NMNAT2: variants seen among roughly 807,000 people sequenced by gnomAD.
The protein encoded by NMNAT2 is nicotinamide/nicotinic acid mononucleotide adenylyltransferase 2.
NMNAT2 carries 11 observed loss-of-function variants against 41.6 expected under a neutral mutation model. That is an observed-to-expected ratio of 0.26 (90% CI 0.17 to 0.44). The LOEUF (loss-of-function observed/expected upper bound fraction) is 0.44. NMNAT2 is among the 20% of genes least tolerant of loss of function. The pLI, the probability that NMNAT2 is intolerant of heterozygous loss-of-function variation, is 1.00. For missense variants in NMNAT2, 288 were observed against 407.7 expected, an observed-to-expected ratio of 0.71 and a Z score of 2.53; for synonymous variants, 148 against 151.2, an observed-to-expected ratio of 0.98 and a Z score of 0.16.
intron 1 of NMNAT2, among the ~76,000 whole-genome samples, chr1:183,406,186 T>C (rs1440398857): frequency 6.6e-6 from 1 of 152,122 alleles, no homozygotes; most frequent in Non-Finnish European, 1.5e-5. Flanking sequence ...TATCATGAAT[T>C]GAATTGAATA....
chr1:183,258,680 CCCTAAACTGCT>C (rs1660580926), intron 10 of NMNAT2, among the ~76,000 whole-genome samples: 1 of 152,130 alleles, frequency 6.6e-6, no homozygotes, highest in African/African-American at 2.4e-5. Context: ...ATCTGACCCT[CCCTAAACTGCT>C]CCTAAGATCA....
At chr1:183,271,532 A>G (rs1391184216) in intron 8 of NMNAT2, among the ~76,000 whole-genome samples, 1 of 152,218 alleles carries the variant, frequency 6.6e-6, no homozygotes, top group Non-Finnish European at 1.5e-5. Flanking sequence ...AAATAAGTGA[A>G]TAACGGCCAA....
intron 1 of NMNAT2, among the ~76,000 whole-genome samples, chr1:183,314,602 T>C (rs1416294360): frequency 1.3e-5 from 2 of 152,244 alleles, no homozygotes; most frequent in East Asian, 3.8e-4. Context: ...ATGGCATTTC[T>C]CTGTTTCTAG....
At chr1:183,388,566 G>T (rs182243788) in intron 1 of NMNAT2, among the ~76,000 whole-genome samples, 3 of 152,322 alleles carry the variant, frequency 2.0e-5, no homozygotes, top group African/African-American at 7.2e-5. Flanking sequence ...GTTGCACCTT[G>T]TAATTAATCA....
rs778177371 is a variant in NMNAT2, at chr1:183,387,601, C to T, written c.85+30582G>A. On this transcript the variant is annotated intron_variant, in intron 1 of 10. Coordinates refer to ENST00000287713, the MANE Select transcript of NMNAT2 (RefSeq NM_015039.4). ...TCTATCTCTTGGTCTTAACCTGGTG[C>T]GTTCAATGTTGAGGCAAATCAAACC... is the stretch of plus-strand genomic sequence containing the variant. 5.3e-5 allele frequency among the ~76,000 whole-genome samples: 8 copies of T among 152,310 alleles called. No homozygotes were observed. In the South Asian group the frequency reaches 1.2e-3, roughly 24 times the overall value.
At chr1:183,312,384 T>C (rs978008442) in intron 1 of NMNAT2, among the ~76,000 whole-genome samples, 1 of 151,506 alleles carries the variant, frequency 6.6e-6, no homozygotes, top group Non-Finnish European at 1.5e-5. Flanking sequence ...TAGGCATGAG[T>C]CACCACACCT....
chr1:183,280,476 CTT>C (rs1348482587), intron 7 of NMNAT2, among the ~76,000 whole-genome samples: 2 of 152,204 alleles, frequency 1.3e-5, no homozygotes, highest in African/African-American at 4.8e-5. Flanking sequence ...CAACCTCCGC[CTT>C]TCAGGTTCAA....
intron 1 of NMNAT2, among the ~76,000 whole-genome samples, chr1:183,385,626 C>T (rs1234591289): frequency 6.6e-6 from 1 of 151,844 alleles, no homozygotes; most frequent in Non-Finnish European, 1.5e-5. Context: ...GAAAATCCTC[C>T]ACATTTAAAC....
At chr1:183,271,250 T>C (rs1302882242) in intron 8 of NMNAT2, among the ~76,000 whole-genome samples, 4 of 152,216 alleles carry the variant, frequency 2.6e-5, no homozygotes, top group Admixed American at 2.0e-4. Flanking sequence ...TGCTGCTTGC[T>C]CAAAAGTTAA....
At chr1:183,310,621 T>G (rs1662092772) in intron 1 of NMNAT2, among the ~76,000 whole-genome samples, 3 of 152,160 alleles carry the variant, frequency 2.0e-5, no homozygotes, top group African/African-American at 7.2e-5. Flanking sequence ...GTTGTCACAA[T>G]TGTAAGAAGA....
Position 183,336,512 on chromosome 1 carries a change from A to G in NMNAT2, c.86-42719T>C, listed in dbSNP as rs1469067295. Among the ~76,000 whole-genome samples the G allele has an allele frequency of 3.9e-5, 6 of 152,344 alleles. No homozygotes were observed. In the East Asian group the frequency reaches 1.2e-3, roughly 29 times the overall value. On this transcript the variant is annotated intron_variant, in intron 1 of 10. Transcript: ENST00000287713. ...CAATTTCCCCCACTGGTTATATATC[A>G]TATCACTTCATATGGATTTGAAAAC...
chr1:183,378,653 A>G (rs1663729430), intron 1 of NMNAT2, among the ~76,000 whole-genome samples: 1 of 152,160 alleles, frequency 6.6e-6, no homozygotes, highest in South Asian at 2.1e-4. Flanking sequence ...GCAAAGAAAA[A>G]CTAGAACAAA....
chr1:183,320,721 A>G (rs1183839774), intron 1 of NMNAT2, among the ~76,000 whole-genome samples: 2 of 152,234 alleles, frequency 1.3e-5, no homozygotes, highest in Non-Finnish European at 2.9e-5. Flanking sequence ...GGTTACACCA[A>G]CATTCACAGA....
At chr1:183,256,226 C>T (rs77664727) in intron 10 of NMNAT2, among the ~76,000 whole-genome samples, 18,262 of 151,798 alleles carry the variant, frequency 0.12, 1,135 homozygotes, top group East Asian at 0.19. Context: ...GCCAACATAG[C>T]GAAACCCTGT....
chr1:183,329,333 A>G (rs897032580), intron 1 of NMNAT2, among the ~76,000 whole-genome samples: 3 of 152,330 alleles, frequency 2.0e-5, no homozygotes. Context: ...TGAAAGTCAT[A>G]TATCTTAGCA....
At chr1:183,410,089 A>G (rs975028688) in intron 1 of NMNAT2, among the ~76,000 whole-genome samples, 3 of 151,610 alleles carry the variant, frequency 2.0e-5, no homozygotes, top group Non-Finnish European at 4.4e-5. Context: ...CAGGCGGATC[A>G]CCTGAGGTCA....
chr1:183,270,047 C>T (rs1435982225), intron 8 of NMNAT2, among the ~76,000 whole-genome samples: 3 of 152,098 alleles, frequency 2.0e-5, no homozygotes, highest in South Asian at 4.1e-4. Flanking sequence ...CCACGCCCGG[C>T]TAATTTTTTT....
At chr1:183,328,116 C>T (rs960561390) in intron 1 of NMNAT2, among the ~76,000 whole-genome samples, 4 of 152,124 alleles carry the variant, frequency 2.6e-5, no homozygotes, top group Non-Finnish European at 5.9e-5. Context: ...CACCTGGTCT[C>T]GGACCACACA....
chr1:183,321,475 T>C (rs1662354659), intron 1 of NMNAT2, among the ~76,000 whole-genome samples: 1 of 152,150 alleles, frequency 6.6e-6, no homozygotes, highest in Non-Finnish European at 1.5e-5. Flanking sequence ...GCGCGGTGGC[T>C]CACACCTGTA....
Sources: allele counts gnomAD v4.1 joint callset (sites outside exome capture counted in the v4.1 genomes callset), GRCh38; gene constraint gnomAD v4.1.1; transcripts MANE v1.5; gene names NCBI Gene and HGNC (gene_info 2026-07-23, HGNC 2026-07-21).